Variants in RASSF3 observed in about 807,000 individuals in gnomAD.
RASSF3 encodes the protein Ras association domain family member 3, also known as ras association domain-containing protein 3.
In RASSF3, 19 loss-of-function variants were observed where a neutral mutation model predicts 19.9. That is an observed-to-expected ratio of 0.96 (90% confidence interval 0.67 to 1.40). The LOEUF is 1.40. Ranked by LOEUF, RASSF3 falls within the 40% of genes most tolerant of loss-of-function variation. The pLI is 0.00. For missense variants in RASSF3, 306 were observed against 289.8 expected (o/e 1.06, Z -0.41); for synonymous variants, 110 against 104.2 (o/e 1.06, Z -0.34).
At chr12:64,644,988 G>A (rs1193378304) in intron 1 of RASSF3, among the ~76,000 whole-genome samples, 1 of 152,128 alleles carries the variant, frequency 6.6e-6, no homozygotes, top group Non-Finnish European at 1.5e-5. Flanking sequence ...TTGAGCCTGG[G>A]AGGTTGAGGC....
chr12:64,616,447 C>G (rs565918798), intron 1 of RASSF3, among the ~76,000 whole-genome samples: 2 of 152,274 alleles, frequency 1.3e-5, no homozygotes, highest in South Asian at 2.1e-4. Flanking sequence ...GTGGCCTGAT[C>G]ACCAACTCTT....
At chr12:64,584,456 A>G (rs943908256) in intron 2 of RASSF3, among the ~76,000 whole-genome samples, 1 of 145,232 alleles carries the variant, frequency 6.9e-6, no homozygotes, top group African/African-American at 2.6e-5. Flanking sequence ...TCCACTTTTT[A>G]TACCCTTAAA....
At chr12:64,509,946 G>T (rs1384435597) in intron 1 of RASSF3, among the ~76,000 whole-genome samples, 4 of 152,044 alleles carry the variant, frequency 2.6e-5, no homozygotes, top group Admixed American at 2.6e-4. Context: ...AATTAGCCAG[G>T]CATGATGGCA....
rs1322069492 is a variant in RASSF3, at chr12:64,691,712, A to AAG, written c.567+138_567+139dup. ...TTGGAGGGCAGGGGGATGGGAAGAG[A>AAG]AGAGAGTTGGAGGGCAGGGAGAGGG... On this transcript the variant is annotated intron_variant, in intron 4 of 4. Coordinates refer to ENST00000542104, the MANE Select transcript of RASSF3 (RefSeq NM_178169.4). 3 of 713,376 alleles carry AAG rather than the reference A, an allele frequency of 4.2e-6. No individual in the cohort carries two copies. In the Admixed American group the frequency reaches 6.4e-5, roughly 15 times the overall value. The allele number at this position is 713,376 out of a possible 1,614,324, so 44.2% of individuals were successfully genotyped here. A position where few individuals can be genotyped will look rare whatever the true frequency, so the allele number is the denominator to read the frequency against.
chr12:64,674,157 A>G (rs75947648), intron 1 of RASSF3, among the ~76,000 whole-genome samples: 2 of 152,182 alleles, frequency 1.3e-5, no homozygotes, highest in African/African-American at 4.8e-5. Flanking sequence ...TTGTTCTTTG[A>G]TGATGCACAT....
intron 3 of RASSF3, among the ~76,000 whole-genome samples, chr12:64,690,687 T>C (rs1025336008): frequency 1.3e-5 from 2 of 151,638 alleles, no homozygotes; most frequent in African/African-American, 2.4e-5. Context: ...GGTCCTGCTA[T>C]GTTGCCCTGG....
chr12:64,643,878 T>G (rs996862859), intron 1 of RASSF3, among the ~76,000 whole-genome samples: 2 of 152,216 alleles, frequency 1.3e-5, no homozygotes, highest in African/African-American at 4.8e-5. Flanking sequence ...ACTAATTATT[T>G]TAACAAAGTA....
chr12:64,583,887 G>C (rs931113382), intron 2 of RASSF3, among the ~76,000 whole-genome samples: 1 of 152,154 alleles, frequency 6.6e-6, no homozygotes. Context: ...CGGTTTATCT[G>C]TGCTATCAAT....
chr12:64,690,032 G>C (rs373037482), intron 3 of RASSF3, among the ~76,000 whole-genome samples: 1 of 151,630 alleles, frequency 6.6e-6, no homozygotes, highest in Admixed American at 6.6e-5. Context: ...CTTGTGATCC[G>C]CCCGCCTCAG....
intron 2 of RASSF3, among the ~76,000 whole-genome samples, chr12:64,595,186 G>A (rs1227410383): frequency 6.9e-6 from 1 of 145,694 alleles, no homozygotes; most frequent in Non-Finnish European, 1.5e-5. Context: ...TCCTGCCTCA[G>A]CCTCCTGAGT....
At chr12:64,646,439 A>C (rs1412015945) in intron 1 of RASSF3, among the ~76,000 whole-genome samples, 1 of 152,126 alleles carries the variant, frequency 6.6e-6, no homozygotes, top group Non-Finnish European at 1.5e-5. Context: ...GGAGAAAGGA[A>C]CTCCCAAGGA....
intron 1 of RASSF3, chr12:64,622,500 A>C: frequency 1.9e-6 from 1 of 531,182 alleles, no homozygotes; most frequent in South Asian, 1.4e-5. Context: ...GCGATGAGAA[A>C]GGAATCGGCA....
intron 1 of RASSF3, among the ~76,000 whole-genome samples, chr12:64,519,319 A>C (rs932657867): frequency 6.6e-6 from 1 of 152,132 alleles, no homozygotes; most frequent in African/African-American, 2.4e-5. Context: ...AGGCACAAGA[A>C]TCTCTTGAGC....
chr12:64,689,100 T>G (rs1015819409), intron 3 of RASSF3, among the ~76,000 whole-genome samples: 28 of 152,256 alleles, frequency 1.8e-4, no homozygotes, highest in African/African-American at 6.0e-4. Context: ...AAGAGAACAT[T>G]AAATATTAAA....
chr12:64,577,165 C>T (rs1268554476), intron 2 of RASSF3, among the ~76,000 whole-genome samples: 13 of 152,154 alleles, frequency 8.5e-5, no homozygotes, highest in Admixed American at 6.5e-5. Flanking sequence ...TTGTTAAACG[C>T]TACTCGGCTG....
chr12:64,646,924 A>G (rs755902589), intron 1 of RASSF3, among the ~76,000 whole-genome samples: 5 of 152,228 alleles, frequency 3.3e-5, no homozygotes, highest in Non-Finnish European at 5.9e-5. Context: ...TCATGACCCA[A>G]TAAAGTATAT....
intron 1 of RASSF3, among the ~76,000 whole-genome samples, chr12:64,508,655 C>T (rs1025581349): frequency 5.3e-5 from 8 of 151,988 alleles, no homozygotes; most frequent in South Asian, 2.1e-4. Flanking sequence ...GAGGCCGAGG[C>T]GGGCAGATCA....
Position 64,665,156 on chromosome 12 carries a change from C to G in RASSF3, c.112-19631C>G, listed in dbSNP as rs60890603. 3.6e-3 allele frequency among the ~76,000 whole-genome samples: 552 copies of G among 152,264 alleles called. 6 individuals carry two copies. Among genetic ancestry groups the G allele is most frequent in the African/African-American group, 0.013 (539 of 41,546 alleles). ...GCGCAGTGGAAGGTTCTAGGAGTTGCATGGATCTGGGTTAGAATCTCAGTG... is the reference window on the plus strand; with the variant it reads ...GCGCAGTGGAAGGTTCTAGGAGTTGGATGGATCTGGGTTAGAATCTCAGTG... On this transcript the variant is annotated intron_variant, in intron 1 of 4. Transcript: ENST00000542104.
chr12:64,553,179 C>G (rs1473985291), intron 2 of RASSF3, among the ~76,000 whole-genome samples: 2 of 152,212 alleles, frequency 1.3e-5, no homozygotes, highest in East Asian at 3.8e-4. Context: ...ATTTTATATG[C>G]TCAGTACCAA....
Sources: allele counts gnomAD v4.1 joint callset (sites outside exome capture counted in the v4.1 genomes callset), GRCh38; gene constraint gnomAD v4.1.1; transcripts MANE v1.5; gene names NCBI Gene and HGNC (gene_info 2026-07-23, HGNC 2026-07-21).